SI: variants seen among roughly 807,000 people sequenced by gnomAD.
The protein encoded by SI is sucrase-isomaltase, intestinal.
A neutral mutation model predicts 253.3 loss-of-function variants in SI; 235 were observed. The ratio of observed to expected loss-of-function variants is 0.93; its 90% CI spans 0.83 to 1.03. SI has a LOEUF of 1.03. SI is among the 50% of genes least tolerant of loss of function. The probability of loss-of-function intolerance (pLI) is 0.00; values close to 1 mark genes in which losing one functional copy is unlikely to be tolerated. For missense variants in SI, 2,442 were observed against 2,211.1 expected (o/e 1.10, Z -2.09); for synonymous variants, 819 against 712.0 (o/e 1.15, Z -2.39).
At chr3:165,014,939 T>C (rs955387135) in intron 33 of SI, among the ~76,000 whole-genome samples, 184 bp downstream of exon 33, 3 of 152,184 alleles carry the variant, frequency 2.0e-5, no homozygotes, top group African/African-American at 7.2e-5. Flanking sequence ...ATGTGACTTA[T>C]ATGAATTCTT....
Position 165,021,222 on chromosome 3 carries a change from T to C in SI, c.3254+7A>G. ...TATCCTTTATATCAAATAATTCAATTACTTACATGACTCTTCCACTGCTTC... is the reference window on the plus strand; with the variant it reads ...TATCCTTTATATCAAATAATTCAATCACTTACATGACTCTTCCACTGCTTC... On this transcript the variant is annotated splice_region_variant and intron_variant, in intron 27 of 47. Coordinates refer to ENST00000264382, the MANE Select transcript of SI (RefSeq NM_001041.4). The C allele has an allele frequency of 1.2e-6, 2 of 1,607,922 alleles. No homozygotes were observed. The highest frequency in any genetic ancestry group is 1.7e-6 in the Non-Finnish European group (2 of 1,175,232).
chr3:165,064,499 C>T (rs750303259), intron 7 of SI, among the ~76,000 whole-genome samples: 2 of 152,094 alleles, frequency 1.3e-5, no homozygotes, highest in South Asian at 4.1e-4. Context: ...GTTAGCATTG[C>T]CATTTAAAAA....
upstream of SI, among the ~76,000 whole-genome samples, chr3:165,079,207 G>T (rs1217013477): frequency 2.6e-5 from 4 of 151,448 alleles, no homozygotes; most frequent in Non-Finnish European, 4.4e-5. Flanking sequence ...AATAAATTTG[G>T]ATATAAATGC....
In SI at chr3:165,069,085, T is replaced by G; in HGVS notation, c.366A>C (p.Thr122=). ...HGYNVQDMTT[T]SIGVEAKLNR... The stretch of plus-strand genomic sequence containing the variant: ...TAACAGAGGACTTCTTACCAATACT[T>G]GTTGTTGTCATGTCTTGAACGTTAT... The change falls in exon 4 of 48, where the codon ACA becomes ACC. Residue 122 remains threonine (T), a synonymous_variant. Coordinates refer to ENST00000264382, the MANE Select transcript of SI (RefSeq NM_001041.4). 6.2e-7 allele frequency: 1 copy of G among 1,601,582 alleles called. No individual in the cohort carries two copies. Among genetic ancestry groups the G allele is most frequent in the Non-Finnish European group, 8.6e-7 (1 of 1,168,710 alleles).
chr3:165,013,192 A>G lies in SI; in HGVS notation c.4000-150T>C, dbSNP rs560889382. ...CCCTTCAAATCTCATTATTATTGACACACATACCATTTGCAAACTATTCCC... is the reference window on the plus strand; with the variant it reads ...CCCTTCAAATCTCATTATTATTGACGCACATACCATTTGCAAACTATTCCC... On this transcript the variant is annotated intron_variant, in intron 33 of 47. Coordinates refer to ENST00000264382, the MANE Select transcript of SI (RefSeq NM_001041.4). 1.1e-4 allele frequency: 76 copies of G among 689,778 alleles called. No homozygotes were observed. The East Asian group carries it at 1.8e-3, about 16-fold the overall frequency. The allele number at this position is 689,778 out of a possible 1,614,324, so 42.7% of individuals were successfully genotyped here.
rs1391153342 is a variant in SI at position 165,021,306 on chromosome 3, T to G, written c.3177A>C (p.Glu1059Asp). ...NIPTTPISTY[E>D]DRLYDVEIKE... ...TGATTTCCACATCATAAAGTCTGTC[T>G]TCATAAGTACTTATTGGGGTGGTTG... Residue 1059 changes from glutamate to aspartate, a missense_variant, in exon 27 of 48, where the codon GAA (glutamate) becomes GAC (aspartate). Transcript: ENST00000264382. 1 of 1,611,372 alleles carries G rather than the reference T, an allele frequency of 6.2e-7. No individual in the cohort carries two copies. The highest frequency in any genetic ancestry group is 2.2e-5 in the East Asian group (1 of 44,752).
At chr3:165,046,197 G>A (rs1367401118) in intron 16 of SI, among the ~76,000 whole-genome samples, 1 of 151,920 alleles carries the variant, frequency 6.6e-6, no homozygotes, top group Non-Finnish European at 1.5e-5. Flanking sequence ...GGTTTTTGGT[G>A]TTTGTTTTAT....
intron 6 of SI, 40 bp from the exon 7 acceptor site, chr3:165,065,472 T>G (rs9681508): frequency 0.55 from 150,574 of 272,028 alleles, 34,164 homozygotes; most frequent in South Asian, 0.63. Context: ...CTAATATATA[T>G]ATATATATAT....
chr3:165,052,922 TTA>T (rs1713505059), intron 13 of SI, among the ~76,000 whole-genome samples: 2 of 151,990 alleles, frequency 1.3e-5, no homozygotes, highest in South Asian at 4.1e-4. Context: ...CTTATAAAAT[TTA>T]TGTTTCCAAA....
At chr3:165,055,640 T>G (rs1236093139) in intron 12 of SI, among the ~76,000 whole-genome samples, 1 of 152,018 alleles carries the variant, frequency 6.6e-6, no homozygotes, top group African/African-American at 2.4e-5. Context: ...TAATATATTT[T>G]ATATCCCATA....
chr3:165,009,449 A>G (rs1332120587), intron 34 of SI, 54 bp from the exon 35 acceptor site: 10 of 934,520 alleles, frequency 1.1e-5, no homozygotes, highest in Non-Finnish European at 1.6e-5. Context: ...GAGATTATAT[A>G]CATATAAATC....
intron 25 of SI, among the ~76,000 whole-genome samples, chr3:165,026,876 A>G (rs552776798): frequency 6.6e-6 from 1 of 151,482 alleles, no homozygotes; most frequent in African/African-American, 2.4e-5. Flanking sequence ...AGTCTGAAAG[A>G]GCACACATAG....
At chr3:164,987,066 T>C (rs1025368962) in intron 45 of SI, 72 bp downstream of exon 45, 1 of 1,182,078 alleles carries the variant, frequency 8.5e-7, no homozygotes, top group African/African-American at 1.5e-5. Context: ...CAAAGAACAA[T>C]AATAGATAAC....
intron 45 of SI, among the ~76,000 whole-genome samples, chr3:164,985,975 G>A (rs1717414153): frequency 6.6e-6 from 1 of 152,010 alleles, no homozygotes; most frequent in Admixed American, 6.6e-5. Flanking sequence ...GTTATGAATG[G>A]AATAAGCCTA....
intron 25 of SI, among the ~76,000 whole-genome samples, chr3:165,028,869 A>C (rs1226866787): frequency 1.3e-5 from 2 of 149,620 alleles, no homozygotes; most frequent in Non-Finnish European, 3.0e-5. Context: ...TGTCTCAGGC[A>C]AGGATTTGAT....
At chr3:165,052,613 C>A (rs75384249) in intron 13 of SI, among the ~76,000 whole-genome samples, 1 of 151,850 alleles carries the variant, frequency 6.6e-6, no homozygotes, top group Non-Finnish European at 1.5e-5. Flanking sequence ...GCCAAGTTAG[C>A]GCCACAGCAC....
At chr3:165,067,527 C>T (rs1486581168) in intron 5 of SI, 36 bp from the exon 6 acceptor site, 1 of 1,529,690 alleles carries the variant, frequency 6.5e-7, no homozygotes, top group Non-Finnish European at 9.0e-7. Context: ...TTACTGGATT[C>T]TAAACTATTA....
intron 33 of SI, 89 bp downstream of exon 33, chr3:165,015,034 G>A: frequency 4.3e-6 from 4 of 931,666 alleles, no homozygotes; most frequent in South Asian, 4.2e-5. Flanking sequence ...TAGCTCTCCT[G>A]AACGGTTTTA....
At position 165,062,398 on chromosome 3, in the gene SI, TG is replaced by T; in HGVS notation, c.992del (p.Pro331GlnfsTer4). 1 of 1,588,352 alleles carries T rather than the reference TG, an allele frequency of 6.3e-7. No homozygotes were observed. The highest frequency in any genetic ancestry group is 8.6e-7 in the Non-Finnish European group (1 of 1,157,150). On this transcript the variant is annotated frameshift_variant, in exon 9 of 48. Transcript: ENST00000264382. LOFTEE classifies it high-confidence loss of function. ...GTTGATACTGTTGAACTACTTGTTC[TG>T]GTGTATCTCCTAGAAGGATGTAAAA... ...LDFYILLGDT[P>X]EQVVQQYQQL...
Sources: allele counts gnomAD v4.1 joint callset (sites outside exome capture counted in the v4.1 genomes callset), GRCh38; gene constraint gnomAD v4.1.1; transcripts MANE v1.5; gene names NCBI Gene and HGNC (gene_info 2026-07-23, HGNC 2026-07-21).